The following SLC17A5 variants were observed in gnomAD, a reference collection of about 807,000 sequenced individuals.
SLC17A5 encodes the protein solute carrier family 17 member 5, also known as sialin.
A neutral mutation model predicts 59.4 loss-of-function variants in SLC17A5; 47 were observed. The ratio of observed to expected loss-of-function variants is 0.79; its 90% CI spans 0.63 to 1.01. SLC17A5 has a LOEUF of 1.01. Among genes scored for constraint, SLC17A5 ranks in the 50% least tolerant of loss-of-function variants. The pLI is 0.00. For missense variants in SLC17A5, 522 were observed against 595.5 expected (o/e 0.88, Z 1.28); for synonymous variants, 202 against 210.7 (o/e 0.96, Z 0.36).
intron 6 of SLC17A5, among the ~76,000 whole-genome samples, chr6:73,627,762 G>T (rs1446803877): frequency 6.6e-6 from 1 of 151,564 alleles, no homozygotes; most frequent in Non-Finnish European, 1.5e-5. Flanking sequence ...CTGAGAAGCT[G>T]GGATTATAGG....
At chr6:73,612,635 T>G (rs1767682055) in intron 8 of SLC17A5, among the ~76,000 whole-genome samples, 1 of 152,178 alleles carries the variant, frequency 6.6e-6, no homozygotes, top group Admixed American at 6.6e-5. Flanking sequence ...AGTGCAGTGT[T>G]GTGATCATAG....
rs976725887 is a variant in SLC17A5, at chr6:73,617,940, C to T, written c.979-2493G>A. Among the ~76,000 whole-genome samples the T allele has an allele frequency of 4.0e-5, 6 of 150,930 alleles. No homozygotes were observed. In the East Asian group the frequency reaches 9.9e-4, roughly 25 times the overall value. ...TTCATTTATTTAAAAAAATTGATTC[C>T]AATTTTTTTGCAGGCGCATTGGCTC... On this transcript the variant is annotated intron_variant, in intron 7 of 10. Transcript: ENST00000355773.
rs1767221814 is a variant in SLC17A5 at position 73,603,007 on chromosome 6, A to G, written c.1260-2566T>C. ...AAATAATGAAGTAAAATTACCTATA[A>G]TTCTTCCCCATAGAGATGATCAACA... On this transcript the variant is annotated intron_variant, in intron 9 of 10. Coordinates refer to ENST00000355773, the MANE Select transcript of SLC17A5 (RefSeq NM_012434.5). 3.3e-5 allele frequency among the ~76,000 whole-genome samples: 5 copies of G among 152,304 alleles called. No individual in the cohort carries two copies. The South Asian group carries it at 1.0e-3, about 32-fold the overall frequency.
At chr6:73,618,509 G>T (rs1254083110) in intron 7 of SLC17A5, 1 of 509,758 alleles carries the variant, frequency 2.0e-6, no homozygotes, top group South Asian at 1.8e-5. Flanking sequence ...GTAGTTTTGT[G>T]TGTTGGGTGC....
intron 6 of SLC17A5, among the ~76,000 whole-genome samples, chr6:73,632,291 C>CAAAAAA (rs71000140): frequency 4.7e-5 from 3 of 63,720 alleles, no homozygotes; most frequent in South Asian, 6.1e-4. Flanking sequence ...GAGCTAGACT[C>CAAAAAA]AAAAAAAAAA....
At chr6:73,600,126 C>G (rs1278277830) in intron 10 of SLC17A5, among the ~76,000 whole-genome samples, 1 of 152,172 alleles carries the variant, frequency 6.6e-6, no homozygotes, top group African/African-American at 2.4e-5. Context: ...TGTGTGGTTT[C>G]AGCTACAGTG....
intron 9 of SLC17A5, among the ~76,000 whole-genome samples, chr6:73,603,420 CTTT>C (rs61490134): frequency 1.3e-4 from 18 of 133,962 alleles, no homozygotes; most frequent in Admixed American, 4.5e-4. Flanking sequence ...ATTGCTGCCT[CTTT>C]TTTTTTTTTT....
At chr6:73,632,381 C>T (rs16883979) in intron 6 of SLC17A5, among the ~76,000 whole-genome samples, 1 of 139,988 alleles carries the variant, frequency 7.1e-6, no homozygotes, top group Non-Finnish European at 1.5e-5. Flanking sequence ...CGAAGTGTGT[C>T]GAGAAACAAC....
At chr6:73,639,164 C>T (rs1769160343) in intron 3 of SLC17A5, among the ~76,000 whole-genome samples, 1 of 151,930 alleles carries the variant, frequency 6.6e-6, no homozygotes, top group African/African-American at 2.4e-5. Context: ...ATTACTGACA[C>T]GGAGAGCTAA....
At chr6:73,626,334 G>A (rs1201696127) in intron 6 of SLC17A5, among the ~76,000 whole-genome samples, 1 of 152,218 alleles carries the variant, frequency 6.6e-6, no homozygotes, top group Non-Finnish European at 1.5e-5. Context: ...CACAGGGTTA[G>A]AGGCTTAGAA....
In SLC17A5 at chr6:73,615,142, T is replaced by A. The variant is rs572487899; in HGVS notation, c.1111+173A>T. On this transcript the variant is annotated intron_variant, in intron 8 of 10. Coordinates refer to ENST00000355773, the MANE Select transcript of SLC17A5 (RefSeq NM_012434.5). ...CTGGTGTCCGCTGCAGAACTGGTTA[T>A]GTGTAGGCAGAAATCCCCACAAACA... 4.6e-5 allele frequency among the ~76,000 whole-genome samples: 7 copies of A among 152,324 alleles called. No individual in the cohort carries two copies. In the East Asian group the frequency reaches 1.2e-3, roughly 25 times the overall value.
intron 10 of SLC17A5, among the ~76,000 whole-genome samples, chr6:73,595,660 T>C (rs1766758380): frequency 1.3e-5 from 2 of 152,108 alleles, no homozygotes. Context: ...CACAGATGTA[T>C]TAACTTTGTG....
intron 9 of SLC17A5, among the ~76,000 whole-genome samples, chr6:73,608,658 T>C (rs1405324248): frequency 2.0e-5 from 3 of 152,236 alleles, no homozygotes; most frequent in Non-Finnish European, 4.4e-5. Flanking sequence ...CCTAGAACTA[T>C]TTCTTGCCAA....
At chr6:73,627,771 G>C (rs1444805534) in intron 6 of SLC17A5, among the ~76,000 whole-genome samples, 1 of 151,804 alleles carries the variant, frequency 6.6e-6, no homozygotes, top group Non-Finnish European at 1.5e-5. Context: ...TGGGATTATA[G>C]GCACCTGCTA....
intron 1 of SLC17A5, among the ~76,000 whole-genome samples, chr6:73,645,902 T>C (rs924674990): frequency 6.6e-6 from 1 of 151,962 alleles, no homozygotes; most frequent in Non-Finnish European, 1.5e-5. Context: ...GGCTTATGCA[T>C]AGTTTCTCTT....
intron 8 of SLC17A5, 59 bp downstream of exon 8, chr6:73,615,256 A>G (rs1767801464): frequency 6.3e-6 from 10 of 1,585,572 alleles, no homozygotes; most frequent in African/African-American, 1.3e-5. Flanking sequence ...CCTATCTCCT[A>G]TAACTGTAAA....
At chr6:73,653,141 A>G in intron 1 of SLC17A5, 3 of 985,434 alleles carry the variant, frequency 3.0e-6, no homozygotes, top group African/African-American at 1.7e-5. Context: ...AATGTCCTCG[A>G]TGTTTTTAGT....
chr6:73,641,635 GAAGAA>G, intron 3 of SLC17A5, 51 bp downstream of exon 3: 1 of 1,275,786 alleles, frequency 7.8e-7, no homozygotes, highest in Non-Finnish European at 1.1e-6. Context: ...ACATCTTTAA[GAAGAA>G]GAGAAGGAGA....
intron 1 of SLC17A5, among the ~76,000 whole-genome samples, chr6:73,647,437 A>G (rs1316624189): frequency 6.6e-6 from 1 of 152,246 alleles, no homozygotes. Flanking sequence ...CCCAAATGTT[A>G]GATGTGGGAG....
Sources: gnomAD v4.1 joint callset for allele counts (sites outside exome capture counted in the v4.1 genomes callset) on GRCh38, gnomAD v4.1.1 for gene constraint, MANE v1.5 for transcripts, NCBI Gene and HGNC (gene_info 2026-07-23, HGNC 2026-07-21) for gene names.